Variants in TENM3 observed in about 807,000 individuals in gnomAD.
TENM3 encodes teneurin-3.
Under a neutral mutation model 255.1 loss-of-function variants are expected in TENM3, and 63 were observed. That is an observed-to-expected ratio of 0.25 (90% confidence interval 0.20 to 0.30). The LOEUF is 0.30. TENM3 is among the 10% of genes least tolerant of loss of function. The pLI, the probability that TENM3 is intolerant of heterozygous loss-of-function variation, is 1.00. For synonymous variants in TENM3, 1,306 were observed against 1,322.3 expected, an observed-to-expected ratio of 0.99 and a Z score of 0.27; for missense variants, 2,929 against 3,461.1, an observed-to-expected ratio of 0.85 and a Z score of 3.86.
intron 5 of TENM3, 90 bp from the exon 6 acceptor site, chr4:182,653,681 A>T: frequency 7.2e-7 from 1 of 1,388,348 alleles, no homozygotes; most frequent in Non-Finnish European, 9.7e-7. Context: ...TTGTAACTTT[A>T]CATATGACTC....
chr4:182,009,944 G>A, the TENM3 span, among the ~76,000 whole-genome samples: 629 of 150,464 alleles, frequency 4.2e-3, 2 homozygotes, highest in Non-Finnish European at 7.0e-3. Context: ...GCTGGGGGGA[G>A]GGGGTTCCCC....
At chr4:182,249,953 G>A (rs185199676) in intron 1 of TENM3, among the ~76,000 whole-genome samples, 18 of 151,572 alleles carry the variant, frequency 1.2e-4, no homozygotes, top group Admixed American at 8.5e-4. Context: ...ATGGAGTCTC[G>A]CTATGTTGTC....
chr4:182,671,653 T>C (rs1191203468), intron 6 of TENM3, among the ~76,000 whole-genome samples: 1 of 152,076 alleles, frequency 6.6e-6, no homozygotes, highest in Non-Finnish European at 1.5e-5. Flanking sequence ...TACTCTTTGG[T>C]TTATATTTCT....
intron 3 of TENM3, among the ~76,000 whole-genome samples, chr4:182,534,279 G>A (rs1335361094): frequency 2.0e-5 from 3 of 152,162 alleles, no homozygotes; most frequent in Non-Finnish European, 4.4e-5. Context: ...CAAGAGATGA[G>A]GCTGAGCTCA....
chr4:181,638,939 T>A, the TENM3 span, among the ~76,000 whole-genome samples: 1 of 152,234 alleles, frequency 6.6e-6, no homozygotes, highest in Non-Finnish European at 1.5e-5. Context: ...TGTTCATGCA[T>A]GAAGCTGCAG....
the TENM3 span, among the ~76,000 whole-genome samples, chr4:182,008,513 G>A: frequency 6.6e-6 from 1 of 151,510 alleles, no homozygotes; most frequent in African/African-American, 2.4e-5. Context: ...CCTTTCTTCT[G>A]CTTGGTCTAT....
chr4:181,816,530 TA>T, the TENM3 span, among the ~76,000 whole-genome samples: 6,567 of 152,250 alleles, frequency 0.043, 475 homozygotes, highest in African/African-American at 0.15. Context: ...GAACAACATA[TA>T]TGAAACTGGT....
chr4:181,725,119 T>A, the TENM3 span, among the ~76,000 whole-genome samples: 50,304 of 152,122 alleles, frequency 0.33, 8,455 homozygotes, highest in Middle Eastern at 0.5. Flanking sequence ...GCTGCTTCAC[T>A]GCTTTCCCAA....
chr4:181,453,711 C>T, the TENM3 span, among the ~76,000 whole-genome samples: 2 of 152,118 alleles, frequency 1.3e-5, no homozygotes, highest in Admixed American at 6.5e-5. Context: ...GCTGTTCTAT[C>T]CTGCATGGTT....
chr4:181,760,778 T>C, the TENM3 span, among the ~76,000 whole-genome samples: 2 of 149,254 alleles, frequency 1.3e-5, no homozygotes, highest in African/African-American at 5.1e-5. Flanking sequence ...GGTTGATGAT[T>C]CTCTCCTCTT....
the TENM3 span, among the ~76,000 whole-genome samples, chr4:181,566,883 C>G: frequency 6.6e-6 from 1 of 152,178 alleles, no homozygotes; most frequent in South Asian, 2.1e-4. Context: ...AGAAGCTCGG[C>G]GAAGCTGCCT....
At chr4:181,518,857 T>G in the TENM3 span, among the ~76,000 whole-genome samples, 1 of 152,176 alleles carries the variant, frequency 6.6e-6, no homozygotes, top group Admixed American at 6.5e-5. Context: ...ACTGGGAGAA[T>G]CGTACTGTCC....
intron 3 of TENM3, among the ~76,000 whole-genome samples, chr4:182,417,271 C>T (rs1244916477): frequency 1.3e-5 from 2 of 152,042 alleles, no homozygotes; most frequent in Non-Finnish European, 2.9e-5. Flanking sequence ...CCACCGAGCC[C>T]GGCCTCCATT....
At chr4:181,589,597 G>T in the TENM3 span, among the ~76,000 whole-genome samples, 4 of 152,102 alleles carry the variant, frequency 2.6e-5, no homozygotes, top group African/African-American at 9.7e-5. Flanking sequence ...ATTTTTGGCT[G>T]GACCTGAGAA....
At chr4:182,253,317 C>T (rs564594000) in intron 1 of TENM3, among the ~76,000 whole-genome samples, 2 of 152,196 alleles carry the variant, frequency 1.3e-5, no homozygotes, top group Admixed American at 6.5e-5. Context: ...ACTAAAAATA[C>T]AAAGAGTTAT....
At chr4:182,283,851 C>T (rs896895045) in intron 1 of TENM3, among the ~76,000 whole-genome samples, 1 of 152,070 alleles carries the variant, frequency 6.6e-6, no homozygotes, top group East Asian at 1.9e-4. Flanking sequence ...CGATTTCTGA[C>T]ATTTTTCACA....
At chr4:181,495,283 C>A in the TENM3 span, among the ~76,000 whole-genome samples, 1 of 152,070 alleles carries the variant, frequency 6.6e-6, no homozygotes, top group Admixed American at 6.6e-5. Flanking sequence ...TAGGAGTTAG[C>A]GAAGGAGTTG....
At chr4:181,837,650 T>C in the TENM3 span, among the ~76,000 whole-genome samples, 24 of 152,170 alleles carry the variant, frequency 1.6e-4, no homozygotes, top group African/African-American at 5.3e-4. Flanking sequence ...ACAAACCACC[T>C]TGATACACAT....
the TENM3 span, among the ~76,000 whole-genome samples, chr4:181,466,444 GA>G: frequency 6.6e-6 from 1 of 152,138 alleles, no homozygotes; most frequent in African/African-American, 2.4e-5. Flanking sequence ...TTGTCCTAAG[GA>G]AACTATATGC....
Sources: gnomAD v4.1 joint callset for allele counts (sites outside exome capture counted in the v4.1 genomes callset) on GRCh38, gnomAD v4.1.1 for gene constraint, MANE v1.5 for transcripts, NCBI Gene and HGNC (gene_info 2026-07-23, HGNC 2026-07-21) for gene names.